SLX4IP: variants seen among roughly 807,000 people sequenced by gnomAD.
SLX4IP encodes protein SLX4IP.
Under a neutral mutation model 32.9 loss-of-function variants are expected in SLX4IP, and 34 were observed. The observed-to-expected ratio is 1.03, with a 90% CI of 0.79 to 1.38. The LOEUF is 1.38. Among genes scored for constraint, SLX4IP ranks in the 40% most tolerant of loss-of-function variants. The probability of loss-of-function intolerance (pLI) is 0.00; values close to 1 mark genes in which losing one functional copy is unlikely to be tolerated. For missense variants in SLX4IP, 444 were observed against 479.0 expected, an observed-to-expected ratio of 0.93 and a Z score of 0.68; for synonymous variants, 172 against 171.7, an observed-to-expected ratio of 1.00 and a Z score of -0.01.
intron 4 of SLX4IP, among the ~76,000 whole-genome samples, chr20:10,597,576 A>G (rs1037072551): frequency 1.3e-5 from 2 of 152,166 alleles, no homozygotes; most frequent in Non-Finnish European, 2.9e-5. Context: ...TGTGAGATGT[A>G]TTTCTGTTAC....
At chr20:10,473,168 A>G (rs990137057) in intron 2 of SLX4IP, among the ~76,000 whole-genome samples, 3 of 152,350 alleles carry the variant, frequency 2.0e-5, no homozygotes, top group Admixed American at 6.5e-5. Flanking sequence ...TCTGGCTGTT[A>G]TACGCTGTGG....
intron 2 of SLX4IP, among the ~76,000 whole-genome samples, chr20:10,517,127 G>T (rs2065857904): frequency 6.6e-6 from 1 of 152,176 alleles, no homozygotes; most frequent in Non-Finnish European, 1.5e-5. Flanking sequence ...TTAAGAAATT[G>T]TTCTAAACTG....
chr20:10,592,350 C>T (rs539795906), intron 4 of SLX4IP, among the ~76,000 whole-genome samples: 114 of 148,430 alleles, frequency 7.7e-4, no homozygotes, highest in African/African-American at 2.6e-3. Context: ...TCTCCAACCC[C>T]CCCCCATCAC....
At chr20:10,567,666 C>T (rs940202275) in intron 4 of SLX4IP, among the ~76,000 whole-genome samples, 1 of 152,226 alleles carries the variant, frequency 6.6e-6, no homozygotes, top group African/African-American at 2.4e-5. Context: ...AATATTCTCA[C>T]ACTCTATATA....
At chr20:10,494,864 A>G (rs567144593) in intron 2 of SLX4IP, among the ~76,000 whole-genome samples, 10 of 152,224 alleles carry the variant, frequency 6.6e-5, no homozygotes, top group African/African-American at 1.9e-4. Flanking sequence ...TGATGGAGAG[A>G]TGGCCATCAA....
chr20:10,489,131 T>C (rs2065598573), intron 2 of SLX4IP, among the ~76,000 whole-genome samples: 1 of 152,120 alleles, frequency 6.6e-6, no homozygotes, highest in African/African-American at 2.4e-5. Flanking sequence ...CCATAAACAG[T>C]AGTGCAGCAG....
At chr20:10,533,061 C>T (rs1398596367) in intron 2 of SLX4IP, among the ~76,000 whole-genome samples, 1 of 152,052 alleles carries the variant, frequency 6.6e-6, no homozygotes, top group African/African-American at 2.4e-5. Context: ...AGGGGTGAGC[C>T]ACCACGCCTG....
intron 4 of SLX4IP, among the ~76,000 whole-genome samples, chr20:10,595,653 C>T (rs1467365058): frequency 6.6e-6 from 1 of 152,078 alleles, no homozygotes; most frequent in African/African-American, 2.4e-5. Context: ...TTTATCATTG[C>T]CTTTTGTCTA....
intron 1 of SLX4IP, among the ~76,000 whole-genome samples, chr20:10,444,462 C>T (rs189382717): frequency 6.6e-6 from 1 of 152,248 alleles, no homozygotes; most frequent in Non-Finnish European, 1.5e-5. Flanking sequence ...ACTGCAACCT[C>T]TGCCTCCCGG....
chr20:10,540,538 A>C (rs919640270), intron 2 of SLX4IP, among the ~76,000 whole-genome samples: 2 of 152,188 alleles, frequency 1.3e-5, no homozygotes, highest in Non-Finnish European at 2.9e-5. Context: ...TGTAGGTAGC[A>C]GCTGATACAG....
At chr20:10,449,813 T>A (rs1264252867) in intron 1 of SLX4IP, among the ~76,000 whole-genome samples, 1 of 152,216 alleles carries the variant, frequency 6.6e-6, no homozygotes, top group African/African-American at 2.4e-5. Flanking sequence ...TCAGACCATA[T>A]TATTTTATAT....
At chr20:10,494,379 ATTATAT>A (rs1044332668) in intron 2 of SLX4IP, among the ~76,000 whole-genome samples, 1 of 150,088 alleles carries the variant, frequency 6.7e-6, no homozygotes, top group Non-Finnish European at 1.5e-5. Context: ...TAATATCATT[ATTATAT>A]TTATATTATT....
chr20:10,482,614 C>A (rs2065533179), intron 2 of SLX4IP, among the ~76,000 whole-genome samples: 1 of 152,104 alleles, frequency 6.6e-6, no homozygotes, highest in African/African-American at 2.4e-5. Context: ...AGGGTTTACT[C>A]CTTGTTGGGG....
chr20:10,463,764 T>C lies in SLX4IP; in HGVS notation c.27+5533T>C, dbSNP rs59285850. The stretch of plus-strand genomic sequence containing the variant: ...GCAAGATAGGAAATTAAGCATAGTA[T>C]ACTACGTGGCTCAACTTTTTGTTCT... On this transcript the variant is annotated intron_variant, in intron 2 of 7. Transcript: ENST00000334534. Among the ~76,000 whole-genome samples the C allele has an allele frequency of 3.9e-3, 597 of 152,296 alleles. 4 individuals are homozygous for C. Among genetic ancestry groups the C allele is most frequent in the African/African-American group, 0.014 (563 of 41,562 alleles).
chr20:10,548,396 G>T (rs1030720616), intron 2 of SLX4IP, among the ~76,000 whole-genome samples: 1 of 152,036 alleles, frequency 6.6e-6, no homozygotes, highest in South Asian at 2.1e-4. Flanking sequence ...CCGCCACCAC[G>T]CCCGGCTAAT....
chr20:10,469,170 C>G (rs1311244322), intron 2 of SLX4IP, among the ~76,000 whole-genome samples: 1 of 152,342 alleles, frequency 6.6e-6, no homozygotes, highest in East Asian at 1.9e-4. Context: ...GTACCCCCCA[C>G]TTTCCTTGTC....
At chr20:10,464,414 T>A (rs915914160) in intron 2 of SLX4IP, among the ~76,000 whole-genome samples, 10 of 152,146 alleles carry the variant, frequency 6.6e-5, no homozygotes, top group Non-Finnish European at 1.3e-4. Flanking sequence ...CGTACAGTGG[T>A]TCACATCTGT....
At chr20:10,509,752 A>G (rs1400676645) in intron 2 of SLX4IP, among the ~76,000 whole-genome samples, 8 of 151,410 alleles carry the variant, frequency 5.3e-5, no homozygotes, top group Admixed American at 4.6e-4. Flanking sequence ...GCTGGAATGC[A>G]GTGGTGCGAT....
At chr20:10,526,293 C>A (rs2065940145) in intron 2 of SLX4IP, among the ~76,000 whole-genome samples, 1 of 152,130 alleles carries the variant, frequency 6.6e-6, no homozygotes, top group Non-Finnish European at 1.5e-5. Flanking sequence ...TGCTCTTTCT[C>A]AATTATAATT....
Sources: allele counts gnomAD v4.1 joint callset (sites outside exome capture counted in the v4.1 genomes callset), GRCh38; gene constraint gnomAD v4.1.1; transcripts MANE v1.5; gene names NCBI Gene and HGNC (gene_info 2026-07-23, HGNC 2026-07-21).